The following ABCA12 variants were observed in gnomAD, a reference collection of about 807,000 sequenced individuals.
ABCA12 encodes the protein ATP binding cassette subfamily A member 12.
In ABCA12, 156 loss-of-function variants were observed where a neutral mutation model predicts 293.5. The observed-to-expected ratio is 0.53, with a 90% CI of 0.47 to 0.61. The LOEUF is 0.61. ABCA12 is among the 20% of genes least tolerant of loss of function. The pLI is 0.00. For synonymous variants in ABCA12, 1,063 were observed against 1,108.0 expected (o/e 0.96, Z 0.81); for missense variants, 2,797 against 3,090.2 (o/e 0.91, Z 2.25).
At chr2:214,933,154 C>G (rs1411867468) in intron 52 of ABCA12, among the ~76,000 whole-genome samples, 1 of 152,112 alleles carries the variant, frequency 6.6e-6, no homozygotes, top group East Asian at 1.9e-4. Flanking sequence ...TCACTAGTTT[C>G]AAGAGTTAAT....
intron 39 of ABCA12, 135 bp from the exon 40 acceptor site, chr2:214,959,213 TA>T: frequency 6.5e-6 from 5 of 771,186 alleles, no homozygotes; most frequent in Non-Finnish European, 1.1e-5. Context: ...CTTTTTTTTT[TA>T]AAGGAAAATT....
chr2:215,133,756 T>C (rs550664282), intron 1 of ABCA12, among the ~76,000 whole-genome samples: 1 of 152,254 alleles, frequency 6.6e-6, no homozygotes, highest in South Asian at 2.1e-4. Context: ...TGAGAACTGA[T>C]ATTACCACAG....
intron 1 of ABCA12, among the ~76,000 whole-genome samples, chr2:215,131,720 T>TTTG (rs1703062223): frequency 6.9e-6 from 1 of 143,952 alleles, no homozygotes; most frequent in Non-Finnish European, 1.5e-5. Flanking sequence ...TTTTTTTTTT[T>TTTG]TTGGCCTGAA....
rs749930746 is a variant in ABCA12 at position 214,966,811 on chromosome 2, G to A, written c.5884+37C>T. 4.4e-6 allele frequency: 7 copies of A among 1,581,776 alleles called. No individual in the cohort carries two copies. The African/African-American group carries it at 9.4e-5, about 21-fold the overall frequency. ...CATTTTTATACAAAGAGTAACAGAA[G>A]TTGCAATACAGGACACTTTTGTGTT... On this transcript the variant is annotated intron_variant, in intron 39 of 52. Coordinates refer to ENST00000272895, the MANE Select transcript of ABCA12 (RefSeq NM_173076.3).
chr2:215,128,579 A>T (rs188073137), intron 1 of ABCA12, among the ~76,000 whole-genome samples: 5 of 149,630 alleles, frequency 3.3e-5, no homozygotes, highest in East Asian at 1.9e-4. Context: ...CTTCTTGTTC[A>T]ATTCCATTGT....
intron 16 of ABCA12, 24 bp downstream of exon 16, chr2:215,011,947 A>G (rs754065395): frequency 1.9e-6 from 3 of 1,613,014 alleles, no homozygotes; most frequent in Admixed American, 1.7e-5. Flanking sequence ...TTTCAACAAG[A>G]ACATTACTGG....
At chr2:214,966,274 T>C (rs1226745179) in intron 39 of ABCA12, among the ~76,000 whole-genome samples, 1 of 152,128 alleles carries the variant, frequency 6.6e-6, no homozygotes, top group South Asian at 2.1e-4. Flanking sequence ...TCCGGAAGAA[T>C]AGCTAATGGA....
At chr2:214,934,970 A>G (rs1458234628) in intron 51 of ABCA12, among the ~76,000 whole-genome samples, 1 of 152,156 alleles carries the variant, frequency 6.6e-6, no homozygotes, top group Non-Finnish European at 1.5e-5. Context: ...AACTCTGTAC[A>G]CTTAACTTTC....
chr2:215,003,360 G>A (rs1478885998), intron 20 of ABCA12, among the ~76,000 whole-genome samples: 3 of 152,224 alleles, frequency 2.0e-5, no homozygotes, highest in South Asian at 2.1e-4. Flanking sequence ...CCTTTTAAAC[G>A]ACCATGTGAG....
In ABCA12 at chr2:215,051,609, A is replaced by AGTGTGTGTGTGTGTGTGTGT. The variant is rs3050094; in HGVS notation, c.507+858_507+877dup. Among the ~76,000 whole-genome samples the AGTGTGTGTGTGTGTGTGTGT allele has an allele frequency of 3.0e-3, 366 of 121,404 alleles. 6 individuals carry two copies. Among genetic ancestry groups the AGTGTGTGTGTGTGTGTGTGT allele is most frequent in the East Asian group, 7.4e-3 (29 of 3,906 alleles). 79.6% of individuals were successfully genotyped at this position (121,404 alleles called of 152,430 possible). A position where few individuals can be genotyped will look rare whatever the true frequency, so the allele number is the denominator to read the frequency against. ...ATATAGATATATTATTAAAAACGCT[A>AGTGTGTGTGTGTGTGTGTGT]GTGTGTGTGTGTGTGTGTGTGTGTG... On this transcript the variant is annotated intron_variant, in intron 5 of 52. Coordinates refer to ENST00000272895, the MANE Select transcript of ABCA12 (RefSeq NM_173076.3).
At chr2:215,080,688 G>A (rs2106093791) in intron 2 of ABCA12, 1 of 153,106 alleles carries the variant, frequency 6.5e-6, no homozygotes, top group East Asian at 1.9e-4. Flanking sequence ...AGAAAAGGAA[G>A]ACACTGTAAG....
intron 2 of ABCA12, among the ~76,000 whole-genome samples, chr2:215,106,144 G>A (rs1315526589): frequency 6.6e-6 from 1 of 152,120 alleles, no homozygotes; most frequent in Non-Finnish European, 1.5e-5. Context: ...TCACTCCTCT[G>A]ACTTTCACAA....
intron 1 of ABCA12, among the ~76,000 whole-genome samples, chr2:215,134,525 T>A (rs1441092604): frequency 7.0e-6 from 1 of 143,456 alleles, no homozygotes; most frequent in Non-Finnish European, 1.5e-5. Context: ...TGTGTATATA[T>A]ACGTATATAT....
At chr2:215,066,948 T>G (rs1009918086) in intron 2 of ABCA12, among the ~76,000 whole-genome samples, 2 of 152,144 alleles carry the variant, frequency 1.3e-5, no homozygotes, top group African/African-American at 4.8e-5. Flanking sequence ...ACTTATGTTA[T>G]TCATCCTTCC....
chr2:214,968,920 C>A (rs1401074423), intron 37 of ABCA12, 113 bp from the exon 38 acceptor site: 2 of 837,120 alleles, frequency 2.4e-6, no homozygotes, highest in Admixed American at 4.0e-5. Context: ...AACACATTTA[C>A]AGTATAAAAT....
At position 215,011,407 on chromosome 2, in the gene ABCA12, C is replaced by A. The variant is rs202091055; in HGVS notation, c.2332+32G>T. On this transcript the variant is annotated intron_variant, in intron 17 of 52. Coordinates refer to ENST00000272895, the MANE Select transcript of ABCA12 (RefSeq NM_173076.3). ...ACAGTATTCTTATTGTCATTAAGGG[C>A]AACTGTCATGCTTATTTTAAAGTAT... The A allele has an allele frequency of 1.0e-4, 153 of 1,487,416 alleles. No homozygotes were observed. The African/African-American group carries it at 2.0e-3, about 19-fold the overall frequency. 92.1% of individuals were successfully genotyped at this position (1,487,416 alleles called of 1,614,324 possible).
intron 49 of ABCA12, among the ~76,000 whole-genome samples, chr2:214,944,585 G>C (rs1034590377): frequency 2.6e-5 from 4 of 151,980 alleles, no homozygotes; most frequent in Admixed American, 1.3e-4. Context: ...GCATTTAGAT[G>C]AGGCCATAGA....
chr2:215,000,027 T>C (rs1400313801), intron 22 of ABCA12, among the ~76,000 whole-genome samples: 2 of 152,202 alleles, frequency 1.3e-5, no homozygotes, highest in East Asian at 3.9e-4. Flanking sequence ...AACCATAATC[T>C]GCTTATTTTT....
chr2:214,966,796 C>T (rs1433307579), intron 39 of ABCA12, 52 bp downstream of exon 39: 18 of 1,543,698 alleles, frequency 1.2e-5, no homozygotes, highest in African/African-American at 4.1e-5. Flanking sequence ...CATTTTTATA[C>T]AAAGAGTAAC....
Sources: allele counts gnomAD v4.1 joint callset (sites outside exome capture counted in the v4.1 genomes callset), GRCh38; gene constraint gnomAD v4.1.1; transcripts MANE v1.5; gene names NCBI Gene and HGNC (gene_info 2026-07-23, HGNC 2026-07-21).